Variants in CYP19A1 observed in about 807,000 individuals in gnomAD.
The protein encoded by CYP19A1 is aromatase.
A neutral mutation model predicts 44.4 loss-of-function variants in CYP19A1; 32 were observed. That is an observed-to-expected ratio of 0.72 (90% CI 0.54 to 0.97). CYP19A1 has a LOEUF of 0.97. CYP19A1 is among the 50% of genes least tolerant of loss of function. CYP19A1 has a pLI of 0.00. For synonymous variants in CYP19A1, 212 were observed against 215.6 expected (o/e 0.98, Z 0.14); for missense variants, 598 against 637.8 (o/e 0.94, Z 0.67).
rs556818757 is a variant in CYP19A1 at position 51,310,936 on chromosome 15, G to A, written c.-39+27559C>T. On this transcript the variant is annotated intron_variant, in intron 1 of 9. Transcript: ENST00000396402. ...CAAAGGCTTTGAAAACTGAGCTGAC[G>A]TTGAGACCACTGCCTACACAAGATG... 5.3e-5 allele frequency among the ~76,000 whole-genome samples: 8 copies of A among 152,304 alleles called. No homozygotes were observed. The South Asian group carries it at 1.0e-3, about 20-fold the overall frequency.
chr15:51,311,314 G>C (rs968059243), intron 1 of CYP19A1, among the ~76,000 whole-genome samples: 1 of 152,208 alleles, frequency 6.6e-6, no homozygotes, highest in Non-Finnish European at 1.5e-5. Flanking sequence ...TATTAGAACT[G>C]AGAAACACAA....
At chr15:51,264,822 T>C (rs1202475839) in intron 1 of CYP19A1, among the ~76,000 whole-genome samples, 1 of 152,164 alleles carries the variant, frequency 6.6e-6, no homozygotes, top group Admixed American at 6.5e-5. Context: ...GTCCAATCAG[T>C]ATCAGTTTGG....
chr15:51,294,394 G>T (rs2035928087), intron 1 of CYP19A1, among the ~76,000 whole-genome samples: 1 of 150,152 alleles, frequency 6.7e-6, no homozygotes, highest in South Asian at 2.1e-4. Context: ...GAGTGTCTCT[G>T]CCCGGCCGCC....
At chr15:51,286,186 G>GC (rs1438016359) in intron 1 of CYP19A1, among the ~76,000 whole-genome samples, 4 of 152,078 alleles carry the variant, frequency 2.6e-5, no homozygotes, top group African/African-American at 9.7e-5. Flanking sequence ...CTGCTGGATC[G>GC]CCCCTTCTCT....
intron 1 of CYP19A1, among the ~76,000 whole-genome samples, chr15:51,268,527 C>A (rs1437552660): frequency 6.9e-6 from 1 of 144,746 alleles, no homozygotes; most frequent in East Asian, 2.1e-4. Flanking sequence ...CTTCCCCCCC[C>A]CCCTTTTTTT....
intron 1 of CYP19A1, chr15:51,314,207 C>T (rs569440010): frequency 1.9e-3 from 296 of 152,294 alleles, no homozygotes; most frequent in Non-Finnish European, 3.5e-3. Flanking sequence ...CTCACCAGTG[C>T]GGCCTATGAG....
In CYP19A1 at chr15:51,212,403, T is replaced by A; in HGVS notation, c.1180A>T (p.Ile394Phe). 1 of 1,598,094 alleles carries A rather than the reference T, an allele frequency of 6.3e-7. No homozygotes were observed. The highest frequency in any genetic ancestry group is 8.6e-7 in the Non-Finnish European group (1 of 1,165,260). ...TGCATCCTTCCAATATTCAGGATAA[T>A]GTTTGTCCCCTTTTTCACTGGGTAG... ...DGYPVKKGTN[I>F]ILNIGRMHRL... Residue 394 changes from isoleucine to phenylalanine, a missense_variant, in exon 9 of 10, where the codon ATT becomes TTT. Ile to Phe is a conservative substitution (Grantham distance 21, BLOSUM62 0). Coordinates refer to ENST00000396402, the MANE Select transcript of CYP19A1 (RefSeq NM_000103.4).
chr15:51,326,611 G>C (rs1340628511), intron 1 of CYP19A1, among the ~76,000 whole-genome samples: 13 of 152,168 alleles, frequency 8.5e-5, no homozygotes, highest in Non-Finnish European at 1.6e-4. Flanking sequence ...TGGTGTCCTT[G>C]AAACTAAAAA....
At chr15:51,260,323 T>C (rs2034666816) in intron 1 of CYP19A1, among the ~76,000 whole-genome samples, 1 of 152,198 alleles carries the variant, frequency 6.6e-6, no homozygotes, top group African/African-American at 2.4e-5. Flanking sequence ...GCATTAAATA[T>C]AAGAAAGCCT....
rs113668669 is a variant in CYP19A1, at chr15:51,322,387, G to A, written c.-39+16108C>T. Among the ~76,000 whole-genome samples the A allele has an allele frequency of 3.0e-3, 462 of 152,332 alleles. 3 individuals carry two copies. Among genetic ancestry groups the A allele is most frequent in the African/African-American group, 0.011 (444 of 41,554 alleles). On this transcript the variant is annotated intron_variant, in intron 1 of 9. Coordinates refer to ENST00000396402, the MANE Select transcript of CYP19A1 (RefSeq NM_000103.4). ...AAGTGACAATTAATAAATTAATAGC[G>A]AGTCACTTTATGTAAATACCTCTCT...
At chr15:51,291,215 T>C (rs964664576) in intron 1 of CYP19A1, among the ~76,000 whole-genome samples, 1 of 152,072 alleles carries the variant, frequency 6.6e-6, no homozygotes, top group East Asian at 1.9e-4. Context: ...CTTCAGGCAG[T>C]AGTGGCGGGC....
At chr15:51,217,994 C>A (rs2141049562) in intron 6 of CYP19A1, among the ~76,000 whole-genome samples, 1 of 152,196 alleles carries the variant, frequency 6.6e-6, no homozygotes, top group African/African-American at 2.4e-5. Flanking sequence ...AAGACCAAAA[C>A]AAAGTCATTT....
At chr15:51,259,576 A>G (rs1023358662) in intron 1 of CYP19A1, among the ~76,000 whole-genome samples, 6 of 152,310 alleles carry the variant, frequency 3.9e-5, no homozygotes, top group South Asian at 4.1e-4. Context: ...GAGGGTGAAG[A>G]TGGCATAGTC....
At chr15:51,246,866 C>T (rs1455294980) in intron 1 of CYP19A1, among the ~76,000 whole-genome samples, 1 of 152,214 alleles carries the variant, frequency 6.6e-6, no homozygotes, top group Non-Finnish European at 1.5e-5. Flanking sequence ...CCCTCTTATT[C>T]TCTCCAGCAA....
At chr15:51,285,897 C>G (rs2140980662) in intron 1 of CYP19A1, among the ~76,000 whole-genome samples, 1 of 152,310 alleles carries the variant, frequency 6.6e-6, no homozygotes, top group Middle Eastern at 3.4e-3. Flanking sequence ...ACCACCAAGG[C>G]CTGGTGTTGG....
chr15:51,239,312 T>C (rs2033601488), intron 2 of CYP19A1, among the ~76,000 whole-genome samples: 1 of 152,184 alleles, frequency 6.6e-6, no homozygotes, highest in African/African-American at 2.4e-5. Flanking sequence ...GCCTTACAGA[T>C]GTACACCATA....
chr15:51,298,866 C>T (rs2036053027), intron 1 of CYP19A1, among the ~76,000 whole-genome samples: 1 of 152,228 alleles, frequency 6.6e-6, no homozygotes, highest in African/African-American at 2.4e-5. Context: ...CAAAGAATCA[C>T]CCCTGGGATA....
chr15:51,318,115 C>T (rs1025121350), intron 1 of CYP19A1, among the ~76,000 whole-genome samples: 1 of 152,124 alleles, frequency 6.6e-6, no homozygotes, highest in African/African-American at 2.4e-5. Context: ...GCTGTCACAG[C>T]TGGGGTGCTA....
intron 1 of CYP19A1, among the ~76,000 whole-genome samples, chr15:51,279,354 C>A (rs1197600076): frequency 6.6e-6 from 1 of 152,108 alleles, no homozygotes; most frequent in African/African-American, 2.4e-5. Context: ...GGATGGGAGC[C>A]CAGCAGGAAG....
Sources: allele counts gnomAD v4.1 joint callset (sites outside exome capture counted in the v4.1 genomes callset), GRCh38; gene constraint gnomAD v4.1.1; transcripts MANE v1.5; gene names NCBI Gene and HGNC (gene_info 2026-07-23, HGNC 2026-07-21).